LARP1B: variants seen among roughly 807,000 people sequenced by gnomAD.
The protein encoded by LARP1B is la-related protein 1B.
A neutral mutation model predicts 114.2 loss-of-function variants in LARP1B; 76 were observed. The observed-to-expected ratio is 0.67, with a 90% CI of 0.55 to 0.81. LARP1B has a LOEUF of 0.81. LARP1B is among the 30% of genes least tolerant of loss of function. The pLI is 0.00. For missense variants in LARP1B, 1,014 were observed against 1,075.8 expected, an observed-to-expected ratio of 0.94 and a Z score of 0.80; for synonymous variants, 345 against 348.0, an observed-to-expected ratio of 0.99 and a Z score of 0.10.
intron 12 of LARP1B, among the ~76,000 whole-genome samples, chr4:128,169,944 T>C (rs1039931656): frequency 2.0e-5 from 3 of 152,170 alleles, no homozygotes; most frequent in African/African-American, 7.2e-5. Context: ...CCCTTAATTC[T>C]ATGTATTTTT....
intron 18 of LARP1B, chr4:128,206,971 C>T (rs1380873932): frequency 2.7e-6 from 1 of 370,742 alleles, no homozygotes; most frequent in Non-Finnish European, 3.7e-6. Context: ...CCCTTGCTAG[C>T]CTCAGTTTTC....
intron 11 of LARP1B, chr4:128,155,839 A>G: frequency 6.4e-7 from 1 of 1,571,864 alleles, no homozygotes; most frequent in South Asian, 1.1e-5. Flanking sequence ...GCAGCGAGAG[A>G]TCGAGGAGCT....
chr4:128,064,573 C>CT (rs761116552), intron 1 of LARP1B, among the ~76,000 whole-genome samples: 63 of 151,460 alleles, frequency 4.2e-4, no homozygotes, highest in Non-Finnish European at 7.1e-4. Context: ...TCTTTTTTTT[C>CT]TTTTTTAAAG....
At chr4:128,120,452 CT>C (rs34303419) in intron 10 of LARP1B, among the ~76,000 whole-genome samples, 121 of 143,758 alleles carry the variant, frequency 8.4e-4, no homozygotes, top group African/African-American at 7.9e-4. Flanking sequence ...GTTTTAAGTT[CT>C]TTTTTTTTTT....
At position 128,065,252 on chromosome 4, in the gene LARP1B, A is replaced by ATTT. The variant is rs1561009396; in HGVS notation, c.-78+3851_-78+3852insTTT. Among the ~76,000 whole-genome samples the ATTT allele has an allele frequency of 1.2e-3, 128 of 108,966 alleles. 1 individual carries two copies. Among genetic ancestry groups the ATTT allele is most frequent in the African/African-American group, 2.3e-3 (70 of 29,830 alleles). The allele number at this position is 108,966 out of a possible 152,430, so 71.5% of individuals were successfully genotyped here. A position where few individuals can be genotyped will look rare whatever the true frequency, so the allele number is the denominator to read the frequency against. ...GACTCTGCACTGTTCTCCCACAATTAATTTCTTTCTTTCTTTCTTTCTTTC... is the reference window on the plus strand; with the variant it reads ...GACTCTGCACTGTTCTCCCACAATTATTTATTTCTTTCTTTCTTTCTTTCTTTC... On this transcript the variant is annotated intron_variant, in intron 1 of 19. Transcript: ENST00000326639.
At chr4:128,188,107 T>A (rs1750952412) in intron 15 of LARP1B, among the ~76,000 whole-genome samples, 1 of 151,114 alleles carries the variant, frequency 6.6e-6, no homozygotes, top group African/African-American at 2.4e-5. Context: ...GGAGTTTTGC[T>A]CTTGTTGCCC....
chr4:128,070,739 G>A (rs1224881357), intron 1 of LARP1B, among the ~76,000 whole-genome samples: 5 of 151,696 alleles, frequency 3.3e-5, no homozygotes, highest in Non-Finnish European at 5.9e-5. Flanking sequence ...CAAGGTGACC[G>A]GGGTTTGAGG....
chr4:128,198,067 T>C (rs1221285618), intron 15 of LARP1B, among the ~76,000 whole-genome samples: 5 of 151,888 alleles, frequency 3.3e-5, no homozygotes, highest in African/African-American at 7.3e-5. Flanking sequence ...GTATTTTTTA[T>C]AGAGACAGGG....
chr4:128,090,001 G>A (rs1423807389), intron 5 of LARP1B, among the ~76,000 whole-genome samples: 1 of 151,416 alleles, frequency 6.6e-6, no homozygotes, highest in Admixed American at 6.6e-5. Context: ...TTGAACTCCT[G>A]AGTTCAAGCA....
At chr4:128,081,976 T>A (rs1179582835) in intron 4 of LARP1B, among the ~76,000 whole-genome samples, 189 bp from the exon 5 acceptor site, 3 of 152,136 alleles carry the variant, frequency 2.0e-5, no homozygotes, top group African/African-American at 7.2e-5. Context: ...CCTCAAGTCA[T>A]CCGCCCACCG....
chr4:128,063,247 C>T (rs1364043727), intron 1 of LARP1B, among the ~76,000 whole-genome samples: 2 of 145,140 alleles, frequency 1.4e-5, no homozygotes, highest in African/African-American at 5.1e-5. Flanking sequence ...GCCAATATGG[C>T]GAAACCCCGT....
At chr4:128,212,629 A>T (rs796859375), downstream of LARP1B, among the ~76,000 whole-genome samples, 1 of 152,150 alleles carries the variant, frequency 6.6e-6, no homozygotes, top group South Asian at 2.1e-4. Context: ...AGCCTGGGCG[A>T]CAGAGTGAGA....
chr4:128,118,534 CTCTG>C (rs1038434798), intron 10 of LARP1B, among the ~76,000 whole-genome samples: 7 of 151,992 alleles, frequency 4.6e-5, no homozygotes, highest in Admixed American at 3.9e-4. Context: ...CCGCGCCCTG[CTCTG>C]TCTGGTCTAT....
At chr4:128,099,282 TTTTC>T (rs1170659408) in intron 8 of LARP1B, among the ~76,000 whole-genome samples, 36 of 150,646 alleles carry the variant, frequency 2.4e-4, no homozygotes, top group Non-Finnish European at 4.9e-4. Flanking sequence ...CTTTTTCTTT[TTTTC>T]TTTCTTTTTT....
chr4:128,081,077 CTTTTTTT>C (rs4000703), intron 4 of LARP1B, among the ~76,000 whole-genome samples: 1 of 127,986 alleles, frequency 7.8e-6, no homozygotes, highest in Non-Finnish European at 1.7e-5. Flanking sequence ...TGTATATATA[CTTTTTTT>C]TTTTTTTTTT....
intron 11 of LARP1B, among the ~76,000 whole-genome samples, chr4:128,149,927 C>T (rs1026739940): frequency 5.9e-5 from 9 of 152,118 alleles, no homozygotes; most frequent in Non-Finnish European, 1.2e-4. Flanking sequence ...CAGAGGCAGG[C>T]GGATTACAAA....
chr4:128,125,570 C>A (rs141379536), intron 11 of LARP1B, among the ~76,000 whole-genome samples: 3,559 of 152,252 alleles, frequency 0.023, 59 homozygotes, highest in Non-Finnish European at 0.036. Flanking sequence ...CATGATGAAA[C>A]CCCATCTCTA....
chr4:128,118,819 G>A (rs1043428808), intron 10 of LARP1B, among the ~76,000 whole-genome samples: 19 of 146,702 alleles, frequency 1.3e-4, no homozygotes, highest in Admixed American at 4.1e-4. Context: ...TGGTTTTCTT[G>A]TTTGATCTAA....
chr4:128,176,169 ATT>A (rs36105415), intron 12 of LARP1B, among the ~76,000 whole-genome samples: 23,972 of 141,962 alleles, frequency 0.17, 2,593 homozygotes, highest in Middle Eastern at 0.3. Flanking sequence ...AAATATATAT[ATT>A]ATATATAAAT....
Sources: allele counts gnomAD v4.1 joint callset (sites outside exome capture counted in the v4.1 genomes callset), GRCh38; gene constraint gnomAD v4.1.1; transcripts MANE v1.5; gene names NCBI Gene and HGNC (gene_info 2026-07-23, HGNC 2026-07-21).